The following GGA3 variants were observed in gnomAD, a reference collection of about 807,000 sequenced individuals.
GGA3 encodes ADP-ribosylation factor-binding protein GGA3.
A neutral mutation model predicts 77.5 loss-of-function variants in GGA3; 57 were observed. That is an observed-to-expected ratio of 0.74 (90% CI 0.59 to 0.92). The LOEUF (loss-of-function observed/expected upper bound fraction) is 0.92, where lower values mean the gene tolerates loss of function less well. Ranked by LOEUF, GGA3 falls within the 40% of genes least tolerant of loss-of-function variation. The pLI, the probability that GGA3 is intolerant of heterozygous loss-of-function variation, is 0.00. For synonymous variants in GGA3, 416 were observed against 383.7 expected, an observed-to-expected ratio of 1.08 and a Z score of -0.98; for missense variants, 970 against 914.9, an observed-to-expected ratio of 1.06 and a Z score of -0.78.
At chr17:75,243,386 T>C in intron 5 of GGA3, 61 bp downstream of exon 5, 2 of 1,603,080 alleles carry the variant, frequency 1.2e-6, no homozygotes, top group Non-Finnish European at 1.7e-6. Flanking sequence ...CCTTCCCTTC[T>C]CTCCTTGCCT....
At chr17:75,246,461 G>T in intron 3 of GGA3, 48 bp downstream of exon 3, 1 of 1,214,974 alleles carries the variant, frequency 8.2e-7, no homozygotes, top group South Asian at 1.2e-5. Context: ...GAATGGCGTG[G>T]GCAGGTGAAG....
rs199746125 is a variant in GGA3, at chr17:75,255,501, G to A, written c.40+6047C>T. 2.0e-3 allele frequency among the ~76,000 whole-genome samples: 296 copies of A among 148,738 alleles called. 1 individual carries two copies. Among genetic ancestry groups the A allele is most frequent in the East Asian group, 1.6e-3 (8 of 5,046 alleles). On this transcript the variant is annotated intron_variant, in intron 1 of 16. Coordinates refer to ENST00000537686, the MANE Select transcript of GGA3 (RefSeq NM_138619.4). ...TACCTCTACTCCCTCCTTGGCGACCGATCATGCACCCCTTACCATCTCATT... is the reference window on the plus strand; with the variant it reads ...TACCTCTACTCCCTCCTTGGCGACCAATCATGCACCCCTTACCATCTCATT...
chr17:75,240,896 AGCG>A lies in GGA3; in HGVS notation c.1105_1107del (p.Arg369del), dbSNP rs1187004692. ...AGGGTGGCCTCGGCCTGGCTAGAGG[AGCG>A]GCTCCGTGGAGGTCCTGAGGCCTGG... On this transcript the variant is annotated inframe_deletion, in exon 11 of 17. Transcript: ENST00000537686. The A allele has an allele frequency of 6.2e-7, 1 of 1,613,488 alleles. No individual in the cohort carries two copies. Among genetic ancestry groups the A allele is most frequent in the African/African-American group, 1.3e-5 (1 of 74,812 alleles).
intron 1 of GGA3, among the ~76,000 whole-genome samples, chr17:75,251,994 A>G (rs998799353): frequency 6.6e-6 from 1 of 151,656 alleles, no homozygotes; most frequent in Non-Finnish European, 1.5e-5. Context: ...TTGAACTCCT[A>G]GGCTCAAGCA....
rs1237913917 is a variant in GGA3, at chr17:75,238,119, C to A, written c.*160G>T. On this transcript the variant is annotated 3_prime_UTR_variant, in exon 17 of 17. Transcript: ENST00000537686. ...TTAGGGGCCAAAGGAGAGGTTATCA[C>A]AGCAGCAGTTTGGTTCTCAGCAGAA... 2.2e-5 allele frequency: 31 copies of A among 1,424,134 alleles called. No individual in the cohort carries two copies. The highest frequency in any genetic ancestry group is 5.8e-5 in the African/African-American group (4 of 69,486). The allele number at this position is 1,424,134 out of a possible 1,614,324, so 88.2% of individuals were successfully genotyped here.
Position 75,240,920 on chromosome 17 carries a change from C to A in GGA3, c.1084G>T (p.Ala362Ser). Residue 362 changes from alanine (A) to serine (S), a missense_variant, in exon 11 of 17, where the codon GCC (alanine) becomes TCC (serine). Ala to Ser is a moderately conservative substitution (Grantham distance 99). Transcript: ENST00000537686. The stretch of plus-strand genomic sequence containing the variant: ...GAGCGGCTCCGTGGAGGTCCTGAGG[C>A]CTGGGGTGGTGGAGGGAGGATTGGG... ...GIPILPPPPQASGPPRSRSSS... is the reference protein window; with the variant it reads ...GIPILPPPPQSSGPPRSRSSS... 6.2e-7 allele frequency: 1 copy of A among 1,613,838 alleles called. No individual in the cohort carries two copies. The highest frequency in any genetic ancestry group is 1.1e-5 in the South Asian group (1 of 91,052).
chr17:75,261,991 G>A (rs779839555), upstream of GGA3: 1 of 1,533,880 alleles, frequency 6.5e-7, no homozygotes, highest in South Asian at 1.1e-5. Context: ...AGGGTGAGAG[G>A]GTGGCGAGCA....
chr17:75,253,333 CG>C (rs2077035366), intron 1 of GGA3, among the ~76,000 whole-genome samples: 1 of 152,188 alleles, frequency 6.6e-6, no homozygotes, highest in Non-Finnish European at 1.5e-5. Context: ...AAACGAGACA[CG>C]TTTTATCCGT....
intron 1 of GGA3, among the ~76,000 whole-genome samples, chr17:75,251,566 C>T (rs993448278): frequency 4.6e-5 from 7 of 151,656 alleles, no homozygotes; most frequent in Non-Finnish European, 1.0e-4. Flanking sequence ...ATTAGCCAGG[C>T]GAAGTGGCAG....
upstream of GGA3, chr17:75,262,010 G>C: frequency 7.5e-6 from 12 of 1,600,512 alleles, no homozygotes; most frequent in Non-Finnish European, 1.0e-5. Context: ...CAGCGGCGGG[G>C]GGGCGCTGCG....
At chr17:75,262,360 T>C (rs1383489307), upstream of GGA3, 1 of 947,592 alleles carries the variant, frequency 1.1e-6, no homozygotes, top group Non-Finnish European at 1.6e-6. Context: ...GCCTGAATTG[T>C]TGTGGCTCAG....
chr17:75,261,499 G>A, intron 1 of GGA3, 49 bp downstream of exon 1: 1 of 1,446,802 alleles, frequency 6.9e-7, no homozygotes, highest in South Asian at 1.4e-5. Context: ...GTGAAGACAG[G>A]GGCAGCCCAG....
Position 75,237,656 on chromosome 17 carries a change from A to C in GGA3, c.*623T>G. ...GACACAGCCTGCCACTGCCAGGGACAAGCACACAACTCATCACTCCGTGGC... is the reference window on the plus strand; with the variant it reads ...GACACAGCCTGCCACTGCCAGGGACCAGCACACAACTCATCACTCCGTGGC... On this transcript the variant is annotated 3_prime_UTR_variant, in exon 17 of 17. Transcript: ENST00000537686. 1 of 1,498,668 alleles carries C rather than the reference A, an allele frequency of 6.7e-7. No individual in the cohort carries two copies. Among genetic ancestry groups the C allele is most frequent in the Non-Finnish European group, 8.9e-7 (1 of 1,126,196 alleles). 92.8% of individuals were successfully genotyped at this position (1,498,668 alleles called of 1,614,324 possible).
chr17:75,239,212 G>A, intron 14 of GGA3, 129 bp from the exon 15 acceptor site: 1 of 1,000,284 alleles, frequency 1.0e-6, no homozygotes, highest in South Asian at 1.6e-5. Context: ...ATCTGGGAGA[G>A]GCGCTCAGTG....
At position 75,239,501 on chromosome 17, in the gene GGA3, G is replaced by C; in HGVS notation, c.1654C>G (p.Pro552Ala). Residue 552 changes from proline to alanine, a missense_variant, in exon 14 of 17, where the codon CCC becomes GCC. Transcript: ENST00000537686. Reference protein sequence around the residue: ...PTTTPARPLLPFSTGPGSPLF... With the variant: ...PTTTPARPLLAFSTGPGSPLF... ...GGGCTGCCGGGCCCCGTGGAGAAGG[G>C]CAGGAGGGGCCTGGCTGGGGTGGTG... 1 of 1,577,946 alleles carries C rather than the reference G, an allele frequency of 6.3e-7. No homozygotes were observed. Among genetic ancestry groups the C allele is most frequent in the Non-Finnish European group, 8.6e-7 (1 of 1,166,712 alleles).
upstream of GGA3, chr17:75,261,745 C>A: frequency 8.7e-7 from 1 of 1,144,682 alleles, no homozygotes; most frequent in South Asian, 1.6e-5. Flanking sequence ...TTCCTTTTGG[C>A]GCTCCCCTTT....
intron 1 of GGA3, among the ~76,000 whole-genome samples, chr17:75,248,340 G>A (rs1421246319): frequency 2.6e-5 from 4 of 151,066 alleles, no homozygotes; most frequent in Admixed American, 6.6e-5. Flanking sequence ...GCAAGGTGGC[G>A]GGCGCCTGTA....
chr17:75,260,680 C>A (rs1186791186), intron 1 of GGA3, among the ~76,000 whole-genome samples: 2 of 152,342 alleles, frequency 1.3e-5, no homozygotes, highest in Middle Eastern at 3.4e-3. Flanking sequence ...AGTCCAATTT[C>A]TCTCTCCACT....
chr17:75,243,584 G>T lies in GGA3; in HGVS notation c.301-14C>A. 1 of 1,613,352 alleles carries T rather than the reference G, an allele frequency of 6.2e-7. No homozygotes were observed. The highest frequency in any genetic ancestry group is 8.5e-7 in the Non-Finnish European group (1 of 1,179,788). On this transcript the variant is annotated splice_polypyrimidine_tract_variant and intron_variant, in intron 4 of 16. Transcript: ENST00000537686. The stretch of plus-strand genomic sequence containing the variant: ...GTCCCCCAGGTACTACATGGCAAAA[G>T]AAAATGAGGACCTAGTAAGTGCAGT...
Sources: allele counts gnomAD v4.1 joint callset (sites outside exome capture counted in the v4.1 genomes callset), GRCh38; gene constraint gnomAD v4.1.1; transcripts MANE v1.5; gene names NCBI Gene and HGNC (gene_info 2026-07-23, HGNC 2026-07-21).